BTNL8: variants seen among roughly 807,000 people sequenced by gnomAD.
BTNL8 encodes the protein butyrophilin-like protein 8.
BTNL8 carries 22 observed loss-of-function variants against 36.1 expected under a neutral mutation model. That is an observed-to-expected ratio of 0.61 (90% CI 0.44 to 0.87). BTNL8 has a LOEUF of 0.87. Among genes scored for constraint, BTNL8 ranks in the 40% least tolerant of loss-of-function variants. BTNL8 has a pLI of 0.00. For synonymous variants in BTNL8, 203 were observed against 235.6 expected (o/e 0.86, Z 1.27); for missense variants, 526 against 616.9 (o/e 0.85, Z 1.56).
At chr5:180,931,073 T>A (rs1758352521) in intron 3 of BTNL8, among the ~76,000 whole-genome samples, 5 of 152,166 alleles carry the variant, frequency 3.3e-5, no homozygotes, top group Non-Finnish European at 5.9e-5. Flanking sequence ...ACTAGAAGGC[T>A]ACAGTAACCA....
intron 3 of BTNL8, among the ~76,000 whole-genome samples, chr5:180,934,015 G>T (rs113771081): frequency 0.012 from 1,806 of 151,986 alleles, 16 homozygotes; most frequent in Non-Finnish European, 0.02. Context: ...TATTCCTGAT[G>T]AAAATAGATG....
chr5:180,937,518 G>GT (rs1420509779), intron 3 of BTNL8, among the ~76,000 whole-genome samples: 1 of 152,020 alleles, frequency 6.6e-6, no homozygotes, highest in Non-Finnish European at 1.5e-5. Context: ...TTCCACCTCA[G>GT]GGAACTAGAA....
intron 1 of BTNL8, among the ~76,000 whole-genome samples, chr5:180,907,953 A>C (rs1757174885): frequency 6.6e-6 from 1 of 152,066 alleles, no homozygotes. Flanking sequence ...AAGTCTGCAG[A>C]GGTTACTGCT....
chr5:180,948,567 T>C, intron 5 of BTNL8, 192 bp downstream of exon 5: 1 of 1,467,188 alleles, frequency 6.8e-7, no homozygotes. Context: ...GGGCTTAGGA[T>C]AGGCCCCGGG....
intron 3 of BTNL8, among the ~76,000 whole-genome samples, chr5:180,934,677 C>T (rs781158105): frequency 1.1e-4 from 16 of 152,208 alleles, no homozygotes; most frequent in Non-Finnish European, 1.9e-4. Flanking sequence ...TGTGTCTGGA[C>T]GAGGGGAATG....
intron 3 of BTNL8, among the ~76,000 whole-genome samples, chr5:180,918,974 A>T (rs918330910): frequency 1.3e-5 from 2 of 152,208 alleles, no homozygotes; most frequent in Non-Finnish European, 2.9e-5. Context: ...ATCTTTAAAA[A>T]TTGCTAGACT....
intron 3 of BTNL8, among the ~76,000 whole-genome samples, chr5:180,915,432 G>A (rs1187093633): frequency 1.3e-5 from 2 of 152,200 alleles, no homozygotes; most frequent in African/African-American, 2.4e-5. Context: ...ATAAATAAAT[G>A]CAAGGCTCTC....
At chr5:180,947,120 C>T (rs1759296537) in intron 3 of BTNL8, among the ~76,000 whole-genome samples, 1 of 152,168 alleles carries the variant, frequency 6.6e-6, no homozygotes, top group Admixed American at 6.5e-5. Flanking sequence ...CTAGTTTATA[C>T]CAAGACATAT....
rs773528281 is a variant in BTNL8 at position 180,947,462 on chromosome 5, T to C, written c.674-50T>C. 7.5e-6 allele frequency: 12 copies of C among 1,596,862 alleles called. No individual in the cohort carries two copies. In the East Asian group the frequency reaches 2.7e-4, roughly 36 times the overall value. ...GTGACTCCTTAAAGAAGAATTGAAT[T>C]GTGTCTTTTGTTCACCAATAACTAA... On this transcript the variant is annotated intron_variant, in intron 3 of 7. Transcript: ENST00000340184.
intron 3 of BTNL8, among the ~76,000 whole-genome samples, chr5:180,923,203 T>TAAG (rs1331970048): frequency 1.3e-5 from 2 of 152,120 alleles, no homozygotes; most frequent in Admixed American, 1.3e-4. Flanking sequence ...AAAATATTAA[T>TAAG]AAGAAATTTT....
intron 1 of BTNL8, among the ~76,000 whole-genome samples, chr5:180,902,657 C>T (rs892924486): frequency 5.4e-5 from 8 of 148,876 alleles, no homozygotes; most frequent in African/African-American, 2.0e-4. Context: ...GTATATCTCC[C>T]GATGCTATCC....
intron 2 of BTNL8, among the ~76,000 whole-genome samples, chr5:180,910,791 T>C (rs1348322070): frequency 1.3e-5 from 2 of 152,150 alleles, no homozygotes; most frequent in Non-Finnish European, 1.5e-5. Context: ...TCCTCCTCCC[T>C]ACACCTCCTC....
chr5:180,900,638 G>C (rs575890546), intron 1 of BTNL8, among the ~76,000 whole-genome samples: 1 of 152,202 alleles, frequency 6.6e-6, no homozygotes, highest in Non-Finnish European at 1.5e-5. Flanking sequence ...GGCATACGCT[G>C]GGTCCCCAAA....
At chr5:180,904,791 T>C (rs1178291593) in intron 1 of BTNL8, among the ~76,000 whole-genome samples, 2 of 151,548 alleles carry the variant, frequency 1.3e-5, no homozygotes, top group Non-Finnish European at 2.9e-5. Flanking sequence ...AATCATGTGG[T>C]TTTTGTCTTT....
chr5:180,908,170 G>A (rs1296526747), intron 1 of BTNL8, among the ~76,000 whole-genome samples: 1 of 152,188 alleles, frequency 6.6e-6, no homozygotes, highest in Non-Finnish European at 1.5e-5. Flanking sequence ...GAGACTCTGT[G>A]GTCATAGGAC....
intron 1 of BTNL8, among the ~76,000 whole-genome samples, chr5:180,905,051 A>G (rs1757017616): frequency 6.6e-6 from 1 of 150,828 alleles, no homozygotes; most frequent in Non-Finnish European, 1.5e-5. Context: ...AAAATGAGTT[A>G]GGGAGGATTC....
chr5:180,930,729 A>C (rs1257217442), intron 3 of BTNL8, among the ~76,000 whole-genome samples: 3 of 152,190 alleles, frequency 2.0e-5, no homozygotes, highest in African/African-American at 7.2e-5. Context: ...AAGAGAATAA[A>C]ATACCTAGGA....
rs754866608 is a variant in BTNL8 at position 180,925,739 on chromosome 5, T to C, written c.673+14125T>C. 6.6e-5 allele frequency among the ~76,000 whole-genome samples: 10 copies of C among 152,236 alleles called. 1 individual carries two copies. The highest frequency in any genetic ancestry group is 1.3e-4 in the Non-Finnish European group (9 of 68,044). The stretch of plus-strand genomic sequence containing the variant: ...CACTGGTAAAAATAATATATAGTCA[T>C]ATTCAGAATTCTCTAATACAGTAAG... On this transcript the variant is annotated intron_variant, in intron 3 of 7. Coordinates refer to ENST00000340184, the MANE Select transcript of BTNL8 (RefSeq NM_001040462.3).
rs776063430 is a variant in BTNL8 at position 180,911,336 on chromosome 5, C to T, written c.398-3C>T. The T allele has an allele frequency of 1.3e-5, 21 of 1,613,682 alleles. No homozygotes were observed. In the East Asian group the frequency reaches 4.5e-4, roughly 34 times the overall value. On this transcript the variant is annotated splice_region_variant and splice_polypyrimidine_tract_variant and intron_variant, in intron 2 of 7. Transcript: ENST00000340184. The stretch of plus-strand genomic sequence containing the variant: ...TTTCAACCGTTCCCTGTTTTCTCCC[C>T]AGCACTGGGCTCAGTTCCTCTCATT...
Sources: gnomAD v4.1 joint callset for allele counts (sites outside exome capture counted in the v4.1 genomes callset) on GRCh38, gnomAD v4.1.1 for gene constraint, MANE v1.5 for transcripts, NCBI Gene and HGNC (gene_info 2026-07-23, HGNC 2026-07-21) for gene names.